TMPRSS15: variants seen among roughly 807,000 people sequenced by gnomAD.
The protein encoded by TMPRSS15 is transmembrane serine protease 15.
In TMPRSS15, 128 loss-of-function variants were observed where a neutral mutation model predicts 125.3. That is an observed-to-expected ratio of 1.02 (90% CI 0.89 to 1.18). The LOEUF (loss-of-function observed/expected upper bound fraction) is 1.18, where lower values mean the gene tolerates loss of function less well. TMPRSS15 is among the 50% of genes most tolerant of loss of function. The pLI is 0.00. For synonymous variants in TMPRSS15, 446 were observed against 423.2 expected, an observed-to-expected ratio of 1.05 and a Z score of -0.66; for missense variants, 1,283 against 1,212.7, an observed-to-expected ratio of 1.06 and a Z score of -0.86.
intron 21 of TMPRSS15, among the ~76,000 whole-genome samples, chr21:18,285,418 T>TA (rs926563939): frequency 5.3e-5 from 8 of 152,182 alleles, no homozygotes; most frequent in Non-Finnish European, 1.2e-4. Context: ...TCCAAAACTG[T>TA]AAATTAAAAC....
At chr21:18,288,016 A>C (rs2074786292) in intron 21 of TMPRSS15, among the ~76,000 whole-genome samples, 1 of 152,212 alleles carries the variant, frequency 6.6e-6, no homozygotes, top group Admixed American at 6.5e-5. Flanking sequence ...TCAGTGTATC[A>C]AAAAGATACC....
At chr21:18,399,688 G>T (rs1292485813) in intron 1 of TMPRSS15, among the ~76,000 whole-genome samples, 1 of 152,084 alleles carries the variant, frequency 6.6e-6, no homozygotes, top group Admixed American at 6.6e-5. Flanking sequence ...TGTGACAATT[G>T]TACTGTGGAT....
chr21:18,468,750 G>A (rs1190799692), intron 1 of TMPRSS15, among the ~76,000 whole-genome samples: 2 of 152,082 alleles, frequency 1.3e-5, no homozygotes, highest in East Asian at 1.9e-4. Flanking sequence ...AGCAATAAAC[G>A]AGTAATTGTA....
chr21:18,384,709 C>T (rs544758010), intron 3 of TMPRSS15, among the ~76,000 whole-genome samples: 50 of 152,056 alleles, frequency 3.3e-4, no homozygotes, highest in Admixed American at 2.8e-3. Context: ...TAGGCACTCA[C>T]GGTATACTTG....
chr21:18,301,874 A>C (rs1050662737), intron 18 of TMPRSS15, among the ~76,000 whole-genome samples: 1 of 152,190 alleles, frequency 6.6e-6, no homozygotes, highest in East Asian at 1.9e-4. Context: ...GTGAGAAAAG[A>C]AGCATATAGA....
At chr21:18,365,579 T>G (rs2075720975) in intron 6 of TMPRSS15, among the ~76,000 whole-genome samples, 1 of 134,494 alleles carries the variant, frequency 7.4e-6, no homozygotes, top group African/African-American at 2.7e-5. Context: ...TCTCTTTCTC[T>G]CTTTTTCCTT....
intron 18 of TMPRSS15, among the ~76,000 whole-genome samples, chr21:18,303,978 G>A (rs1248415958): frequency 6.6e-6 from 1 of 152,188 alleles, no homozygotes; most frequent in Non-Finnish European, 1.5e-5. Flanking sequence ...GTAGGAGAAA[G>A]GAGGAATAAT....
chr21:18,473,110 G>A (rs1389318654), intron 1 of TMPRSS15, among the ~76,000 whole-genome samples: 5 of 152,032 alleles, frequency 3.3e-5, no homozygotes, highest in Non-Finnish European at 7.4e-5. Flanking sequence ...CAATAACAAA[G>A]CACCCTTATC....
At position 18,372,180 on chromosome 21, in the gene TMPRSS15, G is replaced by A; in HGVS notation, c.664+13C>T. 6.2e-7 allele frequency: 1 copy of A among 1,600,236 alleles called. No homozygotes were observed. Among genetic ancestry groups the A allele is most frequent in the Non-Finnish European group, 8.5e-7 (1 of 1,171,522 alleles). The stretch of plus-strand genomic sequence containing the variant: ...ATAAAACAGAAGGGGAGAGAGTAGG[G>A]GGGAGAACTTACCACACATTTTATT... On this transcript the variant is annotated intron_variant, in intron 6 of 24. Coordinates refer to ENST00000284885, the MANE Select transcript of TMPRSS15 (RefSeq NM_002772.3).
chr21:18,297,195 G>C (rs1383172584), intron 19 of TMPRSS15, among the ~76,000 whole-genome samples: 1 of 152,130 alleles, frequency 6.6e-6, no homozygotes, highest in Admixed American at 6.5e-5. Flanking sequence ...CCTTAGTAAA[G>C]GCTATAAAAG....
At chr21:18,370,013 CGGTGT>C in intron 6 of TMPRSS15, among the ~76,000 whole-genome samples, 1 of 146,670 alleles carries the variant, frequency 6.8e-6, no homozygotes, top group Non-Finnish European at 1.5e-5. Context: ...TGGAAAGTGA[CGGTGT>C]GTAAGCTTGA....
chr21:18,439,927 C>T (rs755956898), intron 1 of TMPRSS15, among the ~76,000 whole-genome samples: 1 of 152,078 alleles, frequency 6.6e-6, no homozygotes, highest in Non-Finnish European at 1.5e-5. Flanking sequence ...TTCAAAGGCA[C>T]AAAATGTTTT....
intron 1 of TMPRSS15, among the ~76,000 whole-genome samples, chr21:18,478,691 A>G (rs1978925118): frequency 6.6e-6 from 1 of 151,844 alleles, no homozygotes; most frequent in Non-Finnish European, 1.5e-5. Context: ...TTGTCATCAG[A>G]CTTGGAATTG....
At chr21:18,381,498 T>C (rs928027593) in intron 4 of TMPRSS15, among the ~76,000 whole-genome samples, 1 of 152,258 alleles carries the variant, frequency 6.6e-6, no homozygotes, top group South Asian at 2.1e-4. Context: ...TACCTACAAT[T>C]AACTTGGTAC....
intron 1 of TMPRSS15, among the ~76,000 whole-genome samples, chr21:18,419,449 T>C (rs1054150909): frequency 1.3e-5 from 2 of 152,052 alleles, no homozygotes; most frequent in African/African-American, 2.4e-5. Context: ...ATGGTCTCGA[T>C]CTCCTGACAT....
intron 3 of TMPRSS15, among the ~76,000 whole-genome samples, chr21:18,384,076 C>A (rs1442985647): frequency 1.3e-5 from 2 of 152,118 alleles, no homozygotes; most frequent in East Asian, 3.9e-4. Context: ...GTTCCTGAGA[C>A]CCTTGTGTTA....
chr21:18,311,550 C>G (rs2075101306), intron 18 of TMPRSS15, among the ~76,000 whole-genome samples: 1 of 151,962 alleles, frequency 6.6e-6, no homozygotes, highest in Non-Finnish European at 1.5e-5. Context: ...ATCTCTCACC[C>G]CTGTTATAAT....
chr21:18,441,406 A>G (rs929230048), intron 1 of TMPRSS15, among the ~76,000 whole-genome samples: 2 of 151,848 alleles, frequency 1.3e-5, no homozygotes, highest in Non-Finnish European at 1.5e-5. Context: ...GGAGATCAAG[A>G]CCTTCCTGGC....
chr21:18,379,321 G>A lies in TMPRSS15; in HGVS notation c.497-3C>T. The A allele has an allele frequency of 2.3e-6, 3 of 1,290,478 alleles. No homozygotes were observed. The highest frequency in any genetic ancestry group is 2.2e-5 in the South Asian group (1 of 44,582). 79.9% of individuals were successfully genotyped at this position (1,290,478 alleles called of 1,614,324 possible). ...ATGACTGGTGGTTGTTAGCTTGTCT[G>A]AAAAATAAATTATATTAAAATAATT... On this transcript the variant is annotated splice_polypyrimidine_tract_variant and splice_region_variant and intron_variant, in intron 4 of 24. Transcript: ENST00000284885.
Sources: allele counts gnomAD v4.1 joint callset (sites outside exome capture counted in the v4.1 genomes callset), GRCh38; gene constraint gnomAD v4.1.1; transcripts MANE v1.5; gene names NCBI Gene and HGNC (gene_info 2026-07-23, HGNC 2026-07-21).